SLC25A38: variants seen among roughly 807,000 people sequenced by gnomAD.
SLC25A38 encodes solute carrier family 25 member 38.
Under a neutral mutation model 33.4 loss-of-function variants are expected in SLC25A38, and 27 were observed. That is an observed-to-expected ratio of 0.81 (90% CI 0.60 to 1.11). SLC25A38 has a LOEUF of 1.11. Ranked by LOEUF, SLC25A38 falls within the 50% of genes most tolerant of loss-of-function variation. The pLI is 0.00. For missense variants in SLC25A38, 344 were observed against 388.8 expected, an observed-to-expected ratio of 0.88 and a Z score of 0.97; for synonymous variants, 123 against 145.9, an observed-to-expected ratio of 0.84 and a Z score of 1.13.
chr3:39,393,573 C>T (rs114325844), intron 5 of SLC25A38, among the ~76,000 whole-genome samples: 1,697 of 152,236 alleles, frequency 0.011, 27 homozygotes, highest in African/African-American at 0.039. Context: ...GATCTTGGTT[C>T]ACTGCAATCT....
chr3:39,390,422 G>A lies in SLC25A38; in HGVS notation c.192-1G>A. ...CCTGTCTCCATTTTGTCTGCTTTCA[G>A]GTCTAGACGTGTTGGGATGTTGGCT... On this transcript the variant is annotated splice_acceptor_variant, in intron 2 of 6. Coordinates refer to ENST00000650617, the MANE Select transcript of SLC25A38 (RefSeq NM_017875.4). LOFTEE classifies it high-confidence loss of function. 6.2e-7 allele frequency: 1 copy of A among 1,614,180 alleles called. No homozygotes were observed. The highest frequency in any genetic ancestry group is 8.5e-7 in the Non-Finnish European group (1 of 1,180,016).
chr3:39,383,580 T>C lies in SLC25A38; in HGVS notation c.-145T>C. ...CCGAACCCCGGCGGCTGCGTGCTTA[T>C]AGGCGCAGACGTCAGAGAGCCCGCG... On this transcript the variant is annotated 5_prime_UTR_variant, in exon 1 of 7. Coordinates refer to ENST00000650617, the MANE Select transcript of SLC25A38 (RefSeq NM_017875.4). 1 of 848,148 alleles carries C rather than the reference T, an allele frequency of 1.2e-6. No homozygotes were observed. Among genetic ancestry groups the C allele is most frequent in the South Asian group, 1.5e-5 (1 of 65,562 alleles). The allele number at this position is 848,148 out of a possible 1,614,324, so 52.5% of individuals were successfully genotyped here.
intron 5 of SLC25A38, among the ~76,000 whole-genome samples, chr3:39,393,253 T>C (rs1321332144): frequency 6.6e-6 from 1 of 151,700 alleles, no homozygotes; most frequent in Non-Finnish European, 1.5e-5. Context: ...GCCACTGCAC[T>C]CCAGCACTCC....
At chr3:39,388,773 G>A (rs1252030464) in intron 1 of SLC25A38, among the ~76,000 whole-genome samples, 1 of 152,178 alleles carries the variant, frequency 6.6e-6, no homozygotes, top group Admixed American at 6.6e-5. Flanking sequence ...TGTAATGATA[G>A]CACCAGTGCT....
Position 39,389,635 on chromosome 3 carries a change from TG to T in SLC25A38, c.191+23del, listed in dbSNP as rs1416560050. On this transcript the variant is annotated intron_variant, in intron 2 of 6. Transcript: ENST00000650617. This position sits in a 1 kb window ranked among gnomAD's most constrained non-coding sequence, Gnocchi z 4.5. ...ATCATGGGTAGGCCCTGCATTTCAT[TG>T]GGGAACTGATTTCAGCAACTTCTCA... The T allele has an allele frequency of 2.3e-5, 37 of 1,614,046 alleles. No homozygotes were observed. Among genetic ancestry groups the T allele is most frequent in the Non-Finnish European group, 3.0e-5 (35 of 1,180,036 alleles).
At chr3:39,386,947 C>T (rs1234786100) in intron 1 of SLC25A38, among the ~76,000 whole-genome samples, 4 of 151,922 alleles carry the variant, frequency 2.6e-5, no homozygotes, top group South Asian at 2.1e-4. Context: ...TGAGCTCCAG[C>T]GAGAGGCTGA....
intron 6 of SLC25A38, among the ~76,000 whole-genome samples, chr3:39,395,389 G>A (rs2041816514): frequency 6.7e-6 from 1 of 149,974 alleles, no homozygotes; most frequent in Middle Eastern, 3.4e-3. Flanking sequence ...CATGGGCAAT[G>A]TAAGGAGACT....
Position 39,389,571 on chromosome 3 carries a change from A to G in SLC25A38, c.146A>G (p.Asp49Gly). 6.2e-7 allele frequency: 1 copy of G among 1,614,042 alleles called. No homozygotes were observed. Among genetic ancestry groups the G allele is most frequent in the South Asian group, 1.1e-5 (1 of 91,074 alleles). ...TCTACCCTCCTTTTCCAACCTCTGG[A>G]TCTCCTTAAAACACGCCTGCAAACC... ...TCSTLLFQPLDLLKTRLQTLQ... is the reference protein window; with the variant it reads ...TCSTLLFQPLGLLKTRLQTLQ... The change falls in exon 2 of 7, where the codon GAT (aspartate) becomes GGT (glycine). Residue 49 changes from aspartate (D) to glycine (G), a missense_variant. Physicochemically the swap from Asp to Gly is moderately conservative, Grantham distance 94. Coordinates refer to ENST00000650617, the MANE Select transcript of SLC25A38 (RefSeq NM_017875.4). The surrounding 1 kb of genome is among the most constrained non-coding windows in gnomAD (Gnocchi z 4.5).
intron 5 of SLC25A38, among the ~76,000 whole-genome samples, chr3:39,394,161 A>G (rs960989651): frequency 6.6e-6 from 1 of 152,084 alleles, no homozygotes; most frequent in African/African-American, 2.4e-5. Context: ...TTTTTCCCAC[A>G]TGTTTTAAAA....
At chr3:39,384,803 CTTTTT>C (rs67136154) in intron 1 of SLC25A38, 9 of 351,556 alleles carry the variant, frequency 2.6e-5, no homozygotes, top group East Asian at 4.0e-5. Context: ...TTTCTTTTTT[CTTTTT>C]TTTTTTTTTT....
chr3:39,391,110 C>A (rs556630261), intron 3 of SLC25A38, among the ~76,000 whole-genome samples: 4 of 152,318 alleles, frequency 2.6e-5, no homozygotes, highest in African/African-American at 9.6e-5. Flanking sequence ...CCCACAGAGT[C>A]CTCAACCACT....
rs1575245949 is a variant in SLC25A38 at position 39,392,101 on chromosome 3, T to C, written c.625+80T>C. ...CCATTTTCTCTGGGATATGAGACTA[T>C]GTGTTTCTCTTAGCAGAGTGTTAGG... On this transcript the variant is annotated intron_variant, in intron 5 of 6. Coordinates refer to ENST00000650617, the MANE Select transcript of SLC25A38 (RefSeq NM_017875.4). 5 of 1,565,148 alleles carry C rather than the reference T, an allele frequency of 3.2e-6. No individual in the cohort carries two copies. The East Asian group carries it at 1.1e-4, about 35-fold the overall frequency.
At chr3:39,387,999 G>C (rs913631705) in intron 1 of SLC25A38, 2 of 152,484 alleles carry the variant, frequency 1.3e-5, no homozygotes, top group Non-Finnish European at 2.9e-5. Flanking sequence ...CTGGCACAGA[G>C]CAAGTGGAGA....
chr3:39,389,667 A>G lies in SLC25A38; in HGVS notation c.191+51A>G. ...CTGATTTCAGCAACTTCTCAGACACAGGAACATCTTTACTGTGTTAAGTCA... is the reference window on the plus strand; with the variant it reads ...CTGATTTCAGCAACTTCTCAGACACGGGAACATCTTTACTGTGTTAAGTCA... On this transcript the variant is annotated intron_variant, in intron 2 of 6. Coordinates refer to ENST00000650617, the MANE Select transcript of SLC25A38 (RefSeq NM_017875.4). The surrounding 1 kb of genome is among the most constrained non-coding windows in gnomAD (Gnocchi z 4.5). The G allele has an allele frequency of 1.2e-6, 2 of 1,613,938 alleles. No individual in the cohort carries two copies. Among genetic ancestry groups the G allele is most frequent in the South Asian group, 1.1e-5 (1 of 91,022 alleles).
chr3:39,392,829 A>G (rs1363924981), intron 5 of SLC25A38, among the ~76,000 whole-genome samples: 3 of 152,202 alleles, frequency 2.0e-5, no homozygotes, highest in Admixed American at 6.5e-5. Flanking sequence ...TGCTGCTTCT[A>G]CCCAGGCACC....
chr3:39,392,456 T>A (rs2041782887), intron 5 of SLC25A38, among the ~76,000 whole-genome samples: 1 of 152,058 alleles, frequency 6.6e-6, no homozygotes. Flanking sequence ...AGTAGTAAGT[T>A]AGGAGTTTAA....
Position 39,391,427 on chromosome 3 carries a change from G to T in SLC25A38, c.277-14G>T. On this transcript the variant is annotated splice_polypyrimidine_tract_variant and intron_variant, in intron 3 of 6. Transcript: ENST00000650617. ...TGGTCTTTGATTTTCTTTTCTCCCT[G>T]ACCTTCTCTGCAGTCCATTGTGAGA... 1 of 1,612,786 alleles carries T rather than the reference G, an allele frequency of 6.2e-7. No individual in the cohort carries two copies. The highest frequency in any genetic ancestry group is 1.1e-5 in the South Asian group (1 of 90,972).
intron 3 of SLC25A38, 85 bp downstream of exon 3, chr3:39,390,592 A>G: frequency 1.4e-6 from 2 of 1,385,526 alleles, no homozygotes; most frequent in Non-Finnish European, 2.1e-6. Context: ...GCTCTTAAGG[A>G]TATGTGAGAG....
intron 1 of SLC25A38, among the ~76,000 whole-genome samples, chr3:39,385,673 G>A (rs962426501): frequency 3.3e-5 from 5 of 152,166 alleles, no homozygotes; most frequent in African/African-American, 9.7e-5. Flanking sequence ...GATTCATTCC[G>A]CTGTCACTGC....
Sources: gnomAD v4.1 joint callset for allele counts (sites outside exome capture counted in the v4.1 genomes callset) on GRCh38, gnomAD v4.1.1 for gene constraint, Gnocchi (gnomAD v3.1) non-coding constraint, MANE v1.5 for transcripts, NCBI Gene and HGNC (gene_info 2026-07-23, HGNC 2026-07-21) for gene names.